KIRREL3: variants seen among roughly 807,000 people sequenced by gnomAD.
The protein encoded by KIRREL3 is kin of IRRE-like protein 3.
In KIRREL3, 36 loss-of-function variants were observed where a neutral mutation model predicts 89.7. That is an observed-to-expected ratio of 0.40 (90% CI 0.31 to 0.53). The LOEUF is 0.53. KIRREL3 is among the 20% of genes least tolerant of loss of function. KIRREL3 has a pLI of 0.49. For synonymous variants in KIRREL3, 445 were observed against 441.4 expected (o/e 1.01, Z -0.10); for missense variants, 864 against 1,056.6 (o/e 0.82, Z 2.53).
At chr11:126,663,429 C>T (rs904988757) in intron 1 of KIRREL3, among the ~76,000 whole-genome samples, 1 of 152,050 alleles carries the variant, frequency 6.6e-6, no homozygotes, top group Non-Finnish European at 1.5e-5. Flanking sequence ...TCGTGATCCG[C>T]CTGCCTCGGC....
rs373637779 is a variant in KIRREL3, at chr11:126,533,836, T to G, written c.134-7149A>C. Among the ~76,000 whole-genome samples the G allele has an allele frequency of 1.5e-4, 23 of 152,298 alleles. 1 individual carries two copies. In the South Asian group the frequency reaches 4.8e-3, roughly 32 times the overall value. ...CTTGTGGAGATAGAGAGGATGCATCTGGGCCACTTGACTCCGGGGCTGGCT... is the reference window on the plus strand; with the variant it reads ...CTTGTGGAGATAGAGAGGATGCATCGGGGCCACTTGACTCCGGGGCTGGCT... On this transcript the variant is annotated intron_variant, in intron 2 of 16. Coordinates refer to ENST00000525144, the MANE Select transcript of KIRREL3 (RefSeq NM_032531.4).
chr11:126,883,411 A>G lies in KIRREL3; in HGVS notation c.55+117044T>C, dbSNP rs909909326. On this transcript the variant is annotated intron_variant, in intron 1 of 16. Transcript: ENST00000525144. This position sits in a 1 kb window ranked among gnomAD's most constrained non-coding sequence, Gnocchi z 4.1. ...CTCTCTCCTGCATCCCTCTCTATCT[A>G]TGTTCCAGGCACACGGGACTTTGCA... Among the ~76,000 whole-genome samples the G allele has an allele frequency of 6.6e-6, 1 of 152,084 alleles. No individual in the cohort carries two copies. Among genetic ancestry groups the G allele is most frequent in the African/African-American group, 2.4e-5 (1 of 41,420 alleles).
rs1256720654 is a variant in KIRREL3 at position 126,953,686 on chromosome 11, C to A, written c.55+46769G>T. Among the ~76,000 whole-genome samples, 1 of 152,068 alleles carries A rather than the reference C, an allele frequency of 6.6e-6. No individual in the cohort carries two copies. Among genetic ancestry groups the A allele is most frequent in the Non-Finnish European group, 1.5e-5 (1 of 68,022 alleles). ...AGGCTGATTGCTGACAGAAAATAAT[C>A]AAATCGTTCTCCAATTTTTTGCAAA... On this transcript the variant is annotated intron_variant, in intron 1 of 16. Transcript: ENST00000525144. This position sits in a 1 kb window ranked among gnomAD's most constrained non-coding sequence, Gnocchi z 5.2.
At chr11:126,446,303 TC>T (rs1408719457) in intron 9 of KIRREL3, among the ~76,000 whole-genome samples, 14 of 148,678 alleles carry the variant, frequency 9.4e-5, no homozygotes, top group African/African-American at 3.0e-4. Context: ...TCTTTCTTTC[TC>T]TCTCTCTCTT....
intron 1 of KIRREL3, among the ~76,000 whole-genome samples, chr11:126,813,795 G>A (rs2134431342): frequency 6.7e-6 from 1 of 149,354 alleles, no homozygotes; most frequent in South Asian, 2.1e-4. Flanking sequence ...TGGGATCCCC[G>A]AAACTAGAAA....
chr11:126,465,891 C>A (rs1956707148), intron 5 of KIRREL3, among the ~76,000 whole-genome samples: 2 of 152,204 alleles, frequency 1.3e-5, no homozygotes, highest in Admixed American at 1.3e-4. Context: ...ATAATAAGAA[C>A]AATTTCCTGG....
chr11:126,910,301 G>A (rs116990716), intron 1 of KIRREL3, among the ~76,000 whole-genome samples: 3,419 of 152,290 alleles, frequency 0.022, 64 homozygotes, highest in South Asian at 0.033. Flanking sequence ...TGCAGGAAGA[G>A]GCAGCCAAGG....
At chr11:126,881,312 A>G (rs1278182434) in intron 1 of KIRREL3, among the ~76,000 whole-genome samples, 1 of 152,014 alleles carries the variant, frequency 6.6e-6, no homozygotes, top group African/African-American at 2.4e-5. Flanking sequence ...CCCTCTCCCC[A>G]CGTTCCTTCA....
chr11:126,820,826 G>T (rs1213269987), intron 1 of KIRREL3, among the ~76,000 whole-genome samples: 1 of 152,122 alleles, frequency 6.6e-6, no homozygotes, highest in African/African-American at 2.4e-5. Flanking sequence ...GCTGTGGAGA[G>T]GATACTTATC....
chr11:126,948,978 G>T lies in KIRREL3; in HGVS notation c.55+51477C>A, dbSNP rs1435296707. Among the ~76,000 whole-genome samples, 1 of 152,174 alleles carries T rather than the reference G, an allele frequency of 6.6e-6. No homozygotes were observed. Among genetic ancestry groups the T allele is most frequent in the Non-Finnish European group, 1.5e-5 (1 of 68,032 alleles). On this transcript the variant is annotated intron_variant, in intron 1 of 16. Transcript: ENST00000525144. This position sits in a 1 kb window ranked among gnomAD's most constrained non-coding sequence, Gnocchi z 4.5. Reference sequence around the variant, plus strand: ...TGCACTGCTCCAGGAAAAGCACCAGGCACAGAGCAAGTGTTTAAAATGTTA... The same window carrying T: ...TGCACTGCTCCAGGAAAAGCACCAGTCACAGAGCAAGTGTTTAAAATGTTA...
rs996830014 is a variant in KIRREL3 at position 126,515,441 on chromosome 11, C to A, written c.433+5874G>T. Among the ~76,000 whole-genome samples the A allele has an allele frequency of 6.6e-6, 1 of 152,040 alleles. No individual in the cohort carries two copies. The highest frequency in any genetic ancestry group is 1.5e-5 in the Non-Finnish European group (1 of 68,010). Reference sequence around the variant, plus strand: ...CTTCAGTCTGGATGACAGAGCAAGACCCTGACTCAAAAAAAAGATGCCTAA... The same window carrying A: ...CTTCAGTCTGGATGACAGAGCAAGAACCTGACTCAAAAAAAAGATGCCTAA... On this transcript the variant is annotated intron_variant, in intron 4 of 16. Transcript: ENST00000525144. The surrounding 1 kb of genome is among the most constrained non-coding windows in gnomAD (Gnocchi z 4.2).
At chr11:126,507,142 C>T (rs1287576575) in intron 4 of KIRREL3, among the ~76,000 whole-genome samples, 1 of 152,206 alleles carries the variant, frequency 6.6e-6, no homozygotes, top group Non-Finnish European at 1.5e-5. Context: ...TATGATTCTA[C>T]TCATACCATA....
In KIRREL3 at chr11:126,643,553, T is replaced by C. The variant is rs1216758925; in HGVS notation, c.56-80641A>G. ...GAAGATGTAGGCTGAGGCGATATCA[T>C]GGCAAATCTTTATCTCTACACTGAT... is the stretch of plus-strand genomic sequence containing the variant. On this transcript the variant is annotated intron_variant, in intron 1 of 16. Coordinates refer to ENST00000525144, the MANE Select transcript of KIRREL3 (RefSeq NM_032531.4). The surrounding 1 kb of genome is among the most constrained non-coding windows in gnomAD (Gnocchi z 4.5). Among the ~76,000 whole-genome samples, 1 of 152,196 alleles carries C rather than the reference T, an allele frequency of 6.6e-6. No homozygotes were observed. The highest frequency in any genetic ancestry group is 2.4e-5 in the African/African-American group (1 of 41,446).
rs990742488 is a variant in KIRREL3 at position 126,642,951 on chromosome 11, T to TA, written c.56-80040dup. Among the ~76,000 whole-genome samples the TA allele has an allele frequency of 3.3e-5, 5 of 151,306 alleles. No homozygotes were observed. The highest frequency in any genetic ancestry group is 5.9e-5 in the Non-Finnish European group (4 of 67,780). ...ACAAGGATCCTACAAAGTAAAAGGG[T>TA]AAAAAAAAGGTACTTTGGCCTCCCT... On this transcript the variant is annotated intron_variant, in intron 1 of 16. Transcript: ENST00000525144. This position sits in a 1 kb window ranked among gnomAD's most constrained non-coding sequence, Gnocchi z 4.9.
At chr11:126,907,238 G>A (rs908707154) in intron 1 of KIRREL3, among the ~76,000 whole-genome samples, 1 of 152,210 alleles carries the variant, frequency 6.6e-6, no homozygotes, top group Non-Finnish European at 1.5e-5. Context: ...AGCTCCAGGT[G>A]CCTCCCAAGT....
Position 126,943,347 on chromosome 11 carries a change from C to G in KIRREL3, c.55+57108G>C, listed in dbSNP as rs535946592. Among the ~76,000 whole-genome samples, 2 of 152,136 alleles carry G rather than the reference C, an allele frequency of 1.3e-5. No individual in the cohort carries two copies. The highest frequency in any genetic ancestry group is 2.4e-5 in the African/African-American group (1 of 41,408). On this transcript the variant is annotated intron_variant, in intron 1 of 16. Transcript: ENST00000525144. This position sits in a 1 kb window ranked among gnomAD's most constrained non-coding sequence, Gnocchi z 4.2. ...CATCTCCACCACGGAACGCCTTACT[C>G]CTGGAACTAATCACAGCATTTCTCT... is the stretch of plus-strand genomic sequence containing the variant.
At chr11:126,456,328 C>T (rs1215690975) in intron 7 of KIRREL3, 21 bp downstream of exon 7, 1 of 1,529,384 alleles carries the variant, frequency 6.5e-7, no homozygotes, top group South Asian at 1.2e-5. Flanking sequence ...CAGGCCGGGC[C>T]CCCTCAGCAG....
At chr11:126,679,047 C>A (rs1028730677) in intron 1 of KIRREL3, among the ~76,000 whole-genome samples, 1 of 152,192 alleles carries the variant, frequency 6.6e-6, no homozygotes, top group Non-Finnish European at 1.5e-5. Flanking sequence ...GGGAGAGATG[C>A]TTTGCTTTTT....
intron 2 of KIRREL3, among the ~76,000 whole-genome samples, chr11:126,556,596 CCACTG>C (rs1483816333): frequency 6.6e-6 from 1 of 152,070 alleles, no homozygotes; most frequent in Non-Finnish European, 1.5e-5. Context: ...CACGATGGTA[CCACTG>C]CACTCTAGCA....
Sources: gnomAD v4.1 joint callset for allele counts (sites outside exome capture counted in the v4.1 genomes callset) on GRCh38, gnomAD v4.1.1 for gene constraint, Gnocchi (gnomAD v3.1) non-coding constraint, MANE v1.5 for transcripts, NCBI Gene and HGNC (gene_info 2026-07-23, HGNC 2026-07-21) for gene names.